The following SNX29 variants were observed in gnomAD, a reference collection of about 807,000 sequenced individuals.
SNX29 encodes the protein sorting nexin-29.
A neutral mutation model predicts 102.1 loss-of-function variants in SNX29; 78 were observed. The ratio of observed to expected loss-of-function variants is 0.76; its 90% confidence interval spans 0.64 to 0.92. SNX29 has a LOEUF of 0.92. Among genes scored for constraint, SNX29 ranks in the 40% least tolerant of loss-of-function variants. The pLI is 0.00. For synonymous variants in SNX29, 580 were observed against 414.5 expected (o/e 1.40, Z -4.85); for missense variants, 1,280 against 1,061.7 (o/e 1.21, Z -2.86).
chr16:12,044,832 C>T (rs755015605), intron 5 of SNX29, among the ~76,000 whole-genome samples: 19 of 152,140 alleles, frequency 1.2e-4, no homozygotes, highest in Non-Finnish European at 2.1e-4. Flanking sequence ...CCTCCCGCCT[C>T]GGCCTCCCGA....
chr16:12,181,577 A>C (rs552069305), intron 13 of SNX29, among the ~76,000 whole-genome samples: 8 of 152,086 alleles, frequency 5.3e-5, no homozygotes, highest in African/African-American at 1.9e-4. Context: ...CCTTTAGCTT[A>C]GTGATATGGG....
rs115399405 is a variant in SNX29, at chr16:12,342,891, A to C, written c.1783-13272A>C. 1.6e-3 allele frequency among the ~76,000 whole-genome samples: 246 copies of C among 152,310 alleles called. 1 individual carries two copies. Among genetic ancestry groups the C allele is most frequent in the African/African-American group, 5.8e-3 (240 of 41,580 alleles). ...GTGTTCATGAATTACTGCTTGGCAC[A>C]AATGAATGGCTGCATACCCCTTCCT... On this transcript the variant is annotated intron_variant, in intron 15 of 20. Coordinates refer to ENST00000566228, the MANE Select transcript of SNX29 (RefSeq NM_032167.5).
chr16:11,976,905 C>A (rs575429068), intron 1 of SNX29, 92 bp downstream of exon 1: 2 of 1,282,090 alleles, frequency 1.6e-6, no homozygotes, highest in South Asian at 2.3e-5. Context: ...CCTCGCGCCC[C>A]GCTCCCTCGC....
chr16:12,251,726 C>T (rs1364300392), intron 14 of SNX29, among the ~76,000 whole-genome samples: 1 of 151,988 alleles, frequency 6.6e-6, no homozygotes, highest in Non-Finnish European at 1.5e-5. Context: ...AAAACAAAAA[C>T]CAAACACAAA....
intron 18 of SNX29, among the ~76,000 whole-genome samples, chr16:12,463,222 G>C (rs1363495454): frequency 1.3e-5 from 2 of 152,260 alleles, no homozygotes; most frequent in East Asian, 3.8e-4. Context: ...AGATGTGACA[G>C]CTGGGCCTGT....
intron 18 of SNX29, among the ~76,000 whole-genome samples, chr16:12,443,950 T>C (rs1641887): frequency 0.71 from 108,098 of 151,870 alleles, 39,785 homozygotes; most frequent in African/African-American, 0.91. Flanking sequence ...CAGTATAGCA[T>C]CTAGCACGTA....
chr16:12,073,739 C>T (rs7500370), intron 10 of SNX29, among the ~76,000 whole-genome samples: 18 of 151,866 alleles, frequency 1.2e-4, no homozygotes, highest in Non-Finnish European at 1.6e-4. Context: ...CTTTCTGTCT[C>T]GTTGATCTGT....
At chr16:12,534,174 C>G (rs889595239) in intron 20 of SNX29, among the ~76,000 whole-genome samples, 3 of 152,258 alleles carry the variant, frequency 2.0e-5, no homozygotes, top group Admixed American at 1.3e-4. Context: ...GCGGTTCTGA[C>G]TGAGGTCTTC....
intron 18 of SNX29, among the ~76,000 whole-genome samples, chr16:12,412,622 G>A (rs2151551578): frequency 6.6e-6 from 1 of 152,320 alleles, no homozygotes; most frequent in South Asian, 2.1e-4. Context: ...CGCGTGTTAG[G>A]CTTTGAAGAA....
intron 13 of SNX29, among the ~76,000 whole-genome samples, chr16:12,155,214 C>A (rs1375616944): frequency 6.6e-6 from 1 of 152,160 alleles, no homozygotes; most frequent in African/African-American, 2.4e-5. Context: ...AACTCCATCC[C>A]AGGAGGAAAT....
intron 18 of SNX29, among the ~76,000 whole-genome samples, chr16:12,414,733 G>C (rs553129892): frequency 1.3e-5 from 2 of 152,248 alleles, no homozygotes; most frequent in African/African-American, 2.4e-5. Flanking sequence ...ATGTATGTAT[G>C]TATGTATTTA....
chr16:12,531,837 G>C (rs2076940147), intron 20 of SNX29, among the ~76,000 whole-genome samples: 1 of 152,234 alleles, frequency 6.6e-6, no homozygotes, highest in Admixed American at 6.5e-5. Context: ...ATGGCCGCCT[G>C]TGAGCTGCCT....
Position 12,041,517 on chromosome 16 carries a change from A to G in SNX29, c.248-1380A>G, listed in dbSNP as rs147712679. Among the ~76,000 whole-genome samples the G allele has an allele frequency of 3.7e-3, 558 of 152,306 alleles. 4 individuals are homozygous for G. Among genetic ancestry groups the G allele is most frequent in the African/African-American group, 0.013 (529 of 41,576 alleles). ...CAGTTCTGGAGGTCAGAAGTCCCCA[A>G]TCAGTTTCACTGGGCTAAAGTCAAG... On this transcript the variant is annotated intron_variant, in intron 4 of 20. Coordinates refer to ENST00000566228, the MANE Select transcript of SNX29 (RefSeq NM_032167.5).
chr16:12,168,740 G>GT (rs1309430466), intron 13 of SNX29, among the ~76,000 whole-genome samples: 1 of 152,166 alleles, frequency 6.6e-6, no homozygotes, highest in Non-Finnish European at 1.5e-5. Flanking sequence ...TAACAATAAC[G>GT]TATTGAGTTA....
Position 12,386,084 on chromosome 16 carries a change from C to T in SNX29, c.1900-12362C>T, listed in dbSNP as rs117466070. Among the ~76,000 whole-genome samples, 993 of 152,334 alleles carry T rather than the reference C, an allele frequency of 6.5e-3. 4 individuals carry two copies. Among genetic ancestry groups the T allele is most frequent in the Non-Finnish European group, 0.011 (718 of 68,026 alleles). On this transcript the variant is annotated intron_variant, in intron 16 of 20. Transcript: ENST00000566228. ...GTTCTGGTCTTAGACTGGCTGCACA[C>T]GGAGACTCCAGGGCAGCAAAACATC...
intron 11 of SNX29, among the ~76,000 whole-genome samples, chr16:12,110,890 C>T (rs2053476568): frequency 2.0e-5 from 3 of 151,784 alleles, no homozygotes; most frequent in Non-Finnish European, 4.4e-5. Context: ...GTGGTGCGAT[C>T]ATAGCCCACT....
chr16:12,369,199 G>A (rs1012703256), intron 16 of SNX29, among the ~76,000 whole-genome samples: 9 of 151,356 alleles, frequency 5.9e-5, no homozygotes, highest in South Asian at 2.1e-4. Flanking sequence ...GCAGTGGCTC[G>A]ATCTCGGCTC....
intron 15 of SNX29, among the ~76,000 whole-genome samples, chr16:12,338,892 CAG>C (rs2081531353): frequency 6.6e-6 from 1 of 152,080 alleles, no homozygotes. Flanking sequence ...AAAATCATAA[CAG>C]TGTTTCCAGA....
chr16:12,258,403 G>A (rs2078637076), intron 14 of SNX29, among the ~76,000 whole-genome samples: 1 of 152,084 alleles, frequency 6.6e-6, no homozygotes, highest in South Asian at 2.1e-4. Flanking sequence ...GGAGCTTCGA[G>A]TCAGTCAGTT....
Sources: gnomAD v4.1 joint callset for allele counts (sites outside exome capture counted in the v4.1 genomes callset) on GRCh38, gnomAD v4.1.1 for gene constraint, MANE v1.5 for transcripts, NCBI Gene and HGNC (gene_info 2026-07-23, HGNC 2026-07-21) for gene names.